ATP8A2: variants seen among roughly 807,000 people sequenced by gnomAD.
ATP8A2 encodes the protein ATPase phospholipid transporting 8A2.
In ATP8A2, 100 loss-of-function variants were observed where a neutral mutation model predicts 165.6. That is an observed-to-expected ratio of 0.60 (90% CI 0.51 to 0.71). The LOEUF (loss-of-function observed/expected upper bound fraction) is 0.71, where lower values mean the gene tolerates loss of function less well. ATP8A2 is among the 30% of genes least tolerant of loss of function. ATP8A2 has a pLI of 0.00. For synonymous variants in ATP8A2, 543 were observed against 548.8 expected, an observed-to-expected ratio of 0.99 and a Z score of 0.15; for missense variants, 1,227 against 1,479.5, an observed-to-expected ratio of 0.83 and a Z score of 2.80.
At chr13:25,952,685 G>T (rs1227050507) in intron 33 of ATP8A2, among the ~76,000 whole-genome samples, 5 of 152,060 alleles carry the variant, frequency 3.3e-5, no homozygotes, top group African/African-American at 1.2e-4. Context: ...TTTCTTTTCT[G>T]TTGCATTGCA....
At chr13:25,949,271 G>T (rs1168039642) in intron 33 of ATP8A2, among the ~76,000 whole-genome samples, 10 of 152,246 alleles carry the variant, frequency 6.6e-5, no homozygotes, top group African/African-American at 2.4e-4. Flanking sequence ...ATGCCAGCGG[G>T]CCATTGCAGG....
At chr13:25,375,518 T>C (rs915509883) in intron 1 of ATP8A2, among the ~76,000 whole-genome samples, 1 of 152,146 alleles carries the variant, frequency 6.6e-6, no homozygotes, top group Admixed American at 6.5e-5. Context: ...ATTTCTGGAC[T>C]TAGTGAAAGA....
chr13:26,014,441 A>G (rs1235835382), intron 36 of ATP8A2, among the ~76,000 whole-genome samples: 1 of 152,208 alleles, frequency 6.6e-6, no homozygotes, highest in Non-Finnish European at 1.5e-5. Flanking sequence ...GTAAGAAAAC[A>G]GGAATCAGTA....
chr13:25,849,713 A>C (rs1044821388), intron 30 of ATP8A2, among the ~76,000 whole-genome samples: 1 of 152,172 alleles, frequency 6.6e-6, no homozygotes, highest in Non-Finnish European at 1.5e-5. Flanking sequence ...ATCCTATGTT[A>C]GTTATGTCTG....
chr13:25,576,145 T>C (rs997359600), intron 19 of ATP8A2, among the ~76,000 whole-genome samples: 1 of 152,024 alleles, frequency 6.6e-6, no homozygotes, highest in Non-Finnish European at 1.5e-5. Flanking sequence ...ACCTCTAAGA[T>C]AGTTGAGAGA....
In ATP8A2 at chr13:25,888,579, AGCC is replaced by A. The variant is rs202217150; in HGVS notation, c.3183+26173_3183+26175del. Among the ~76,000 whole-genome samples the A allele has an allele frequency of 8.8e-3, 1,334 of 152,318 alleles. 11 individuals are homozygous for A. Among genetic ancestry groups the A allele is most frequent in the African/African-American group, 0.031 (1,272 of 41,584 alleles). On this transcript the variant is annotated intron_variant, in intron 33 of 36. Coordinates refer to ENST00000381655, the MANE Select transcript of ATP8A2 (RefSeq NM_016529.6). ...TAGTATATAGAAGTTTGTAGAGTTC[AGCC>A]GGGTGTGGTGGCTCACACCTGTAAT...
intron 10 of ATP8A2, among the ~76,000 whole-genome samples, chr13:25,550,903 C>T (rs1448724297): frequency 6.6e-6 from 1 of 152,130 alleles, no homozygotes; most frequent in Non-Finnish European, 1.5e-5. Context: ...AGAAATATCT[C>T]TGTGTATTTA....
At chr13:25,431,887 CT>C (rs955749128) in intron 1 of ATP8A2, among the ~76,000 whole-genome samples, 4 of 152,274 alleles carry the variant, frequency 2.6e-5, no homozygotes, top group African/African-American at 9.6e-5. Context: ...TTAACAGTCA[CT>C]CCCCTTCTCC....
At chr13:25,492,246 G>A (rs1312074980) in intron 2 of ATP8A2, among the ~76,000 whole-genome samples, 2 of 152,070 alleles carry the variant, frequency 1.3e-5, no homozygotes, top group African/African-American at 4.8e-5. Context: ...TGTAGAGATG[G>A]GGTTTCACCA....
chr13:25,950,932 C>T (rs995677132), intron 33 of ATP8A2: 1 of 152,196 alleles, frequency 6.6e-6, no homozygotes, highest in Non-Finnish European at 1.5e-5. Context: ...GTTGTCCCAC[C>T]TCATGCACAC....
intron 33 of ATP8A2, among the ~76,000 whole-genome samples, chr13:25,935,277 A>G (rs551905072): frequency 6.6e-6 from 1 of 152,254 alleles, no homozygotes; most frequent in Non-Finnish European, 1.5e-5. Flanking sequence ...ATAATCACTC[A>G]TTGTTTTTCT....
intron 30 of ATP8A2, among the ~76,000 whole-genome samples, chr13:25,855,905 G>A (rs1186616043): frequency 1.3e-5 from 2 of 152,136 alleles, no homozygotes; most frequent in Admixed American, 1.3e-4. Context: ...GGCTAATGAT[G>A]TTTTGCTGTT....
chr13:26,008,695 TG>T (rs1956789254), intron 35 of ATP8A2, among the ~76,000 whole-genome samples: 1 of 152,170 alleles, frequency 6.6e-6, no homozygotes, highest in Non-Finnish European at 1.5e-5. Flanking sequence ...AGGGAATTAT[TG>T]TAAAAGCAAC....
intron 33 of ATP8A2, among the ~76,000 whole-genome samples, chr13:25,907,338 G>A (rs1464249684): frequency 2.6e-5 from 4 of 152,076 alleles, no homozygotes; most frequent in African/African-American, 4.8e-5. Context: ...GCAGGAGAGC[G>A]AGACTCCATC....
chr13:25,558,054 C>T (rs1392268400), intron 13 of ATP8A2, among the ~76,000 whole-genome samples: 1 of 152,090 alleles, frequency 6.6e-6, no homozygotes, highest in Admixed American at 6.6e-5. Context: ...CAGGCACCTG[C>T]CACCATGCCT....
At chr13:25,454,188 G>A (rs1392618466) in intron 1 of ATP8A2, among the ~76,000 whole-genome samples, 1 of 152,176 alleles carries the variant, frequency 6.6e-6, no homozygotes, top group Non-Finnish European at 1.5e-5. Context: ...TGTTGTTTGT[G>A]GCTGGGCTCT....
chr13:25,848,500 A>G (rs574525222), intron 30 of ATP8A2, among the ~76,000 whole-genome samples: 12 of 152,338 alleles, frequency 7.9e-5, no homozygotes, highest in African/African-American at 2.9e-4. Context: ...CTGCCTGGGC[A>G]TTGGCAATCA....
intron 24 of ATP8A2, among the ~76,000 whole-genome samples, chr13:25,644,760 T>G (rs1003419497): frequency 1.3e-5 from 2 of 152,150 alleles, no homozygotes; most frequent in Admixed American, 6.5e-5. Context: ...GATTTTCTAT[T>G]TTTCGTGATT....
At chr13:25,808,363 C>A (rs1026098663) in intron 27 of ATP8A2, among the ~76,000 whole-genome samples, 2 of 151,904 alleles carry the variant, frequency 1.3e-5, no homozygotes, top group African/African-American at 4.8e-5. Context: ...CTTTGGGAGG[C>A]CGAGGAAGGC....
Sources: allele counts gnomAD v4.1 joint callset (sites outside exome capture counted in the v4.1 genomes callset), GRCh38; gene constraint gnomAD v4.1.1; transcripts MANE v1.5; gene names NCBI Gene and HGNC (gene_info 2026-07-23, HGNC 2026-07-21).